HERC4: variants seen among roughly 807,000 people sequenced by gnomAD.
The protein encoded by HERC4 is HECT and RLD domain containing E3 ubiquitin protein ligase 4.
In HERC4, 28 loss-of-function variants were observed where a neutral mutation model predicts 124.3. The observed-to-expected ratio is 0.23, with a 90% CI of 0.17 to 0.31. The LOEUF (loss-of-function observed/expected upper bound fraction) is 0.31. HERC4 is among the 10% of genes least tolerant of loss of function. HERC4 has a pLI of 1.00. For missense variants in HERC4, 713 were observed against 1,229.3 expected (o/e 0.58, Z 6.28); for synonymous variants, 407 against 421.5 (o/e 0.97, Z 0.42).
chr10:68,074,711 G>C (rs986495906), intron 1 of HERC4: 1 of 152,406 alleles, frequency 6.6e-6, no homozygotes, highest in Non-Finnish European at 1.5e-5. Flanking sequence ...TTCAGAGGCC[G>C]GCGGCCGAGG....
Position 68,025,593 on chromosome 10 carries a change from T to C in HERC4, c.861A>G (p.Lys287=), listed in dbSNP as rs753636808. The C allele has an allele frequency of 3.1e-6, 5 of 1,613,738 alleles. No homozygotes were observed. In the African/African-American group the frequency reaches 6.7e-5, roughly 22 times the overall value. ...CAATGCTTCCCATAAGTTCAAAAAC[T>C]TTCCTTGGGTTTATTTCATGACTGG... ...NSTSHEINPR[K]VFELMGSIVT... The change falls in exon 8 of 25, where the codon AAA becomes AAG. Residue 287 remains lysine (K), a synonymous_variant. Coordinates refer to ENST00000373700, the MANE Select transcript of HERC4 (RefSeq NM_015601.4).
chr10:67,941,170 C>T (rs1286063911), intron 19 of HERC4, 65 bp from the exon 20 acceptor site: 6 of 1,116,900 alleles, frequency 5.4e-6, no homozygotes, highest in Non-Finnish European at 7.5e-6. Context: ...TCTAAGATTA[C>T]ATAAATATGC....
At chr10:67,974,807 T>C (rs1470346777) in intron 15 of HERC4, among the ~76,000 whole-genome samples, 4 of 152,184 alleles carry the variant, frequency 2.6e-5, no homozygotes, top group Non-Finnish European at 5.9e-5. Context: ...CCTCATTCCA[T>C]GGAGGGGCAT....
intron 3 of HERC4, among the ~76,000 whole-genome samples, chr10:68,063,073 T>C (rs186600792): frequency 6.6e-6 from 1 of 152,304 alleles, no homozygotes; most frequent in Non-Finnish European, 1.5e-5. Flanking sequence ...AGCACTCTTG[T>C]TTATACATCC....
intron 9 of HERC4, among the ~76,000 whole-genome samples, chr10:68,005,659 T>C (rs1342513365): frequency 6.6e-6 from 1 of 152,040 alleles, no homozygotes; most frequent in Non-Finnish European, 1.5e-5. Context: ...TCTCTGGTGG[T>C]ATGTTTTAAT....
chr10:68,070,625 A>C (rs2041527559), intron 3 of HERC4: 1 of 151,656 alleles, frequency 6.6e-6, no homozygotes, highest in Non-Finnish European at 1.5e-5. Flanking sequence ...AAATAAAAAT[A>C]AAAATAAATA....
At chr10:68,020,717 T>C (rs544425) in intron 8 of HERC4, among the ~76,000 whole-genome samples, 56,716 of 147,018 alleles carry the variant, frequency 0.39, 11,579 homozygotes, top group East Asian at 0.84. Flanking sequence ...TGCAATGAGC[T>C]GAGATCGCGC....
chr10:67,951,827 A>G (rs2033813368), intron 19 of HERC4, among the ~76,000 whole-genome samples: 1 of 151,886 alleles, frequency 6.6e-6, no homozygotes, highest in East Asian at 1.9e-4. Flanking sequence ...ACCTTCCACA[A>G]TTCCTTCATT....
At chr10:68,073,268 T>C in intron 2 of HERC4, 82 bp from the exon 3 acceptor site, 3 of 596,104 alleles carry the variant, frequency 5.0e-6, no homozygotes, top group East Asian at 5.6e-5. Flanking sequence ...GCTACAATAA[T>C]TGCTACATGG....
chr10:68,031,774 C>G (rs1385827394), intron 7 of HERC4, among the ~76,000 whole-genome samples: 1 of 151,460 alleles, frequency 6.6e-6, no homozygotes. Context: ...TTTTTTGAAA[C>G]GAGGTCTCAC....
intron 4 of HERC4, chr10:68,039,608 C>G: frequency 7.0e-7 from 1 of 1,423,116 alleles, no homozygotes; most frequent in Middle Eastern, 2.3e-4. Context: ...GAGAGCTGTA[C>G]TGCTACAATT....
chr10:68,037,430 T>C (rs2039536213), intron 5 of HERC4, among the ~76,000 whole-genome samples: 1 of 152,158 alleles, frequency 6.6e-6, no homozygotes, highest in Admixed American at 6.5e-5. Flanking sequence ...AACATACATA[T>C]GGCAGATTCT....
chr10:67,984,711 T>C (rs1039113312), intron 15 of HERC4, among the ~76,000 whole-genome samples: 8 of 152,144 alleles, frequency 5.3e-5, no homozygotes, highest in Admixed American at 4.6e-4. Context: ...GCCTTCTGAA[T>C]AGTTGGTATT....
intron 4 of HERC4, among the ~76,000 whole-genome samples, chr10:68,042,346 A>G (rs2039812703): frequency 6.6e-6 from 1 of 152,134 alleles, no homozygotes; most frequent in Non-Finnish European, 1.5e-5. Context: ...AACACTAGGC[A>G]GGACACAGTG....
chr10:67,962,375 A>T (rs772543125), intron 16 of HERC4, among the ~76,000 whole-genome samples: 1 of 152,174 alleles, frequency 6.6e-6, no homozygotes, highest in Non-Finnish European at 1.5e-5. Flanking sequence ...TACTACATGT[A>T]AGTAGATATA....
intron 19 of HERC4, among the ~76,000 whole-genome samples, chr10:67,952,722 C>T (rs1263130471): frequency 6.6e-6 from 1 of 151,694 alleles, no homozygotes; most frequent in African/African-American, 2.4e-5. Context: ...CACGGTGAAA[C>T]CCCGTCTCTA....
At chr10:68,031,435 A>G (rs566687370) in intron 7 of HERC4, among the ~76,000 whole-genome samples, 2 of 152,316 alleles carry the variant, frequency 1.3e-5, no homozygotes, top group Non-Finnish European at 1.5e-5. Flanking sequence ...CAGTGATTAC[A>G]TTTGTTATCT....
At chr10:68,060,365 G>A (rs1312385401) in intron 3 of HERC4, among the ~76,000 whole-genome samples, 1 of 151,948 alleles carries the variant, frequency 6.6e-6, no homozygotes, top group Non-Finnish European at 1.5e-5. Context: ...AGTCTCCCAA[G>A]TAGCTGGGAT....
At chr10:67,991,721 A>G (rs2036561286) in intron 11 of HERC4, among the ~76,000 whole-genome samples, 1 of 152,176 alleles carries the variant, frequency 6.6e-6, no homozygotes, top group Admixed American at 6.5e-5. Flanking sequence ...ATAATACTCA[A>G]GTCTTCCACA....
Sources: allele counts gnomAD v4.1 joint callset (sites outside exome capture counted in the v4.1 genomes callset), GRCh38; gene constraint gnomAD v4.1.1; transcripts MANE v1.5; gene names NCBI Gene and HGNC (gene_info 2026-07-23, HGNC 2026-07-21).